The following TEX9 variants were observed in gnomAD, a reference collection of about 807,000 sequenced individuals.
TEX9 encodes testis expressed 9.
TEX9 carries 74 observed loss-of-function variants against 59.6 expected under a neutral mutation model. That is an observed-to-expected ratio of 1.24 (90% CI 1.03 to 1.51). The LOEUF (loss-of-function observed/expected upper bound fraction) is 1.51. Ranked by LOEUF, TEX9 falls within the 40% of genes most tolerant of loss-of-function variation. TEX9 has a pLI of 0.00. For missense variants in TEX9, 522 were observed against 447.8 expected, an observed-to-expected ratio of 1.17 and a Z score of -1.49; for synonymous variants, 186 against 152.2, an observed-to-expected ratio of 1.22 and a Z score of -1.64.
chr15:56,360,728 TA>T (rs2046773800), upstream of TEX9, among the ~76,000 whole-genome samples: 1 of 152,162 alleles, frequency 6.6e-6, no homozygotes, highest in Admixed American at 6.5e-5. Flanking sequence ...CTTTGATATA[TA>T]AAAAACTAAT....
intron 1 of TEX9, among the ~76,000 whole-genome samples, chr15:56,327,672 A>T (rs1306428848): frequency 2.0e-5 from 3 of 152,210 alleles, no homozygotes; most frequent in Admixed American, 1.3e-4. Context: ...CGTGGTGCAG[A>T]AGGAGAATCT....
intron 1 of TEX9, among the ~76,000 whole-genome samples, chr15:56,316,525 G>A (rs1175202418): frequency 8.0e-5 from 12 of 150,902 alleles, no homozygotes; most frequent in African/African-American, 2.7e-4. Context: ...CTCCAGCTGC[G>A]TGCTGGGAGA....
intron 1 of TEX9, among the ~76,000 whole-genome samples, chr15:56,271,854 A>G (rs2044540717): frequency 6.6e-6 from 1 of 152,204 alleles, no homozygotes; most frequent in Admixed American, 6.5e-5. Context: ...AAAATGTACA[A>G]TTTAGGCTGG....
At chr15:56,379,832 A>G (rs2047642921) in intron 3 of TEX9, among the ~76,000 whole-genome samples, 1 of 142,930 alleles carries the variant, frequency 7.0e-6, no homozygotes, top group Non-Finnish European at 1.5e-5. Context: ...TTTGAAATTT[A>G]TTTTGTCTAA....
intron 1 of TEX9, among the ~76,000 whole-genome samples, chr15:56,332,845 C>T (rs936820480): frequency 2.0e-5 from 3 of 152,008 alleles, no homozygotes; most frequent in African/African-American, 7.2e-5. Flanking sequence ...GACATTACAA[C>T]TGATAAAGCA....
intron 1 of TEX9, among the ~76,000 whole-genome samples, chr15:56,303,107 T>C (rs974180548): frequency 6.6e-6 from 1 of 152,206 alleles, no homozygotes; most frequent in African/African-American, 2.4e-5. Flanking sequence ...AATACAATAA[T>C]AGTTGGGGAC....
chr15:56,347,277 G>GT (rs529660684), intron 1 of TEX9, among the ~76,000 whole-genome samples: 2 of 152,018 alleles, frequency 1.3e-5, no homozygotes, highest in Non-Finnish European at 2.9e-5. Context: ...CAGGTTAAAA[G>GT]TTTTTTAAAA....
At chr15:56,387,599 G>A (rs2048018697) in intron 4 of TEX9, among the ~76,000 whole-genome samples, 2 of 151,946 alleles carry the variant, frequency 1.3e-5, no homozygotes, top group African/African-American at 2.4e-5. Context: ...ATGGTTAGGA[G>A]TTCTCAGGGG....
chr15:56,319,332 A>G (rs2045850825), intron 1 of TEX9, among the ~76,000 whole-genome samples: 1 of 148,750 alleles, frequency 6.7e-6, no homozygotes, highest in African/African-American at 2.4e-5. Flanking sequence ...AATACTTACC[A>G]TGATACACAA....
intron 9 of TEX9, among the ~76,000 whole-genome samples, chr15:56,404,553 A>G (rs993700180): frequency 6.6e-6 from 1 of 152,244 alleles, no homozygotes; most frequent in Non-Finnish European, 1.5e-5. Context: ...AATTAGTTCA[A>G]CTGTGGTGGA....
chr15:56,441,694 A>C (rs2050816637), intron 12 of TEX9, among the ~76,000 whole-genome samples: 1 of 152,176 alleles, frequency 6.6e-6, no homozygotes, highest in Non-Finnish European at 1.5e-5. Flanking sequence ...ATATCTAAGG[A>C]ACGTAAACAA....
At chr15:56,291,438 A>G (rs1262920402) in intron 1 of TEX9, among the ~76,000 whole-genome samples, 2 of 152,184 alleles carry the variant, frequency 1.3e-5, no homozygotes, top group Non-Finnish European at 2.9e-5. Flanking sequence ...CATATTTTTA[A>G]TTGACAAAAT....
At chr15:56,248,257 T>G (rs1215756767) in intron 1 of TEX9, among the ~76,000 whole-genome samples, 1 of 152,226 alleles carries the variant, frequency 6.6e-6, no homozygotes, top group Non-Finnish European at 1.5e-5. Flanking sequence ...TTTTGATACA[T>G]GTTCTCAATA....
chr15:56,306,280 G>GAAAAAAAAAA (rs2045484308), intron 1 of TEX9, among the ~76,000 whole-genome samples: 14 of 72,044 alleles, frequency 1.9e-4, no homozygotes, highest in South Asian at 4.4e-4. Flanking sequence ...AAAAAAAAAG[G>GAAAAAAAAAA]AAATCAGTGT....
chr15:56,250,240 A>G (rs1451488558), intron 1 of TEX9, among the ~76,000 whole-genome samples: 1 of 152,274 alleles, frequency 6.6e-6, no homozygotes, highest in Non-Finnish European at 1.5e-5. Context: ...TAGGTGAGAT[A>G]TATAAGATTA....
chr15:56,412,525 T>C, intron 10 of TEX9, 89 bp downstream of exon 10: 1 of 1,336,074 alleles, frequency 7.5e-7, no homozygotes. Context: ...TAAATTATAA[T>C]TCTTGATGTC....
intron 3 of TEX9, among the ~76,000 whole-genome samples, chr15:56,378,993 G>A (rs1054151970): frequency 1.3e-5 from 2 of 151,234 alleles, no homozygotes; most frequent in African/African-American, 4.9e-5. Context: ...AGCCCAGGAA[G>A]GTCTAGGCTG....
At chr15:56,345,174 C>T (rs1216011717) in intron 1 of TEX9, among the ~76,000 whole-genome samples, 1 of 151,200 alleles carries the variant, frequency 6.6e-6, no homozygotes, top group Non-Finnish European at 1.5e-5. Flanking sequence ...GAGCTTATCT[C>T]CTCCCAGATT....
intron 3 of TEX9, among the ~76,000 whole-genome samples, chr15:56,382,066 C>G (rs1396515097): frequency 6.6e-6 from 1 of 152,208 alleles, no homozygotes; most frequent in Non-Finnish European, 1.5e-5. Context: ...GGTACTCGGA[C>G]TACAACATAA....
Sources: allele counts gnomAD v4.1 joint callset (sites outside exome capture counted in the v4.1 genomes callset), GRCh38; gene constraint gnomAD v4.1.1; transcripts MANE v1.5; gene names NCBI Gene and HGNC (gene_info 2026-07-23, HGNC 2026-07-21).